Variants in SPAG16 observed in about 807,000 individuals in gnomAD.
SPAG16 encodes sperm-associated antigen 16 protein.
In SPAG16, 86 loss-of-function variants were observed where a neutral mutation model predicts 80.4. The observed-to-expected ratio is 1.07, with a 90% CI of 0.90 to 1.28. SPAG16 has a LOEUF of 1.28. Among genes scored for constraint, SPAG16 ranks in the 50% most tolerant of loss-of-function variants. The pLI, the probability that SPAG16 is intolerant of heterozygous loss-of-function variation, is 0.00. For missense variants in SPAG16, 870 were observed against 765.3 expected (o/e 1.14, Z -1.61); for synonymous variants, 294 against 265.9 (o/e 1.11, Z -1.03).
intron 10 of SPAG16, among the ~76,000 whole-genome samples, chr2:213,595,558 G>A (rs903167398): frequency 1.8e-4 from 27 of 152,022 alleles, no homozygotes; most frequent in African/African-American, 6.3e-4. Flanking sequence ...AGGTAGTTAT[G>A]GAGTTAATAG....
chr2:213,352,616 A>G (rs73988001), intron 7 of SPAG16, among the ~76,000 whole-genome samples: 2,032 of 152,334 alleles, frequency 0.013, 43 homozygotes, highest in African/African-American at 0.045. Context: ...TAAAACACCC[A>G]AGTGAGGATT....
At chr2:213,605,911 C>T (rs1427847277) in intron 10 of SPAG16, among the ~76,000 whole-genome samples, 2 of 152,182 alleles carry the variant, frequency 1.3e-5, no homozygotes, top group Non-Finnish European at 2.9e-5. Flanking sequence ...CAACTTACAT[C>T]AGGATATATA....
chr2:214,175,976 G>A lies in SPAG16; in HGVS notation c.1720+26710G>A, dbSNP rs139813238. 6.4e-4 allele frequency among the ~76,000 whole-genome samples: 97 copies of A among 151,510 alleles called. No individual in the cohort carries two copies. The South Asian group carries it at 7.3e-3, about 11-fold the overall frequency. On this transcript the variant is annotated intron_variant, in intron 15 of 15. Coordinates refer to ENST00000331683, the MANE Select transcript of SPAG16 (RefSeq NM_024532.5). ...AATTAATGTGTTAGCCATTTTATAT[G>A]TTGTGATTTACTTGGAATATCCCAT...
intron 15 of SPAG16, among the ~76,000 whole-genome samples, chr2:214,402,438 T>G (rs1008558172): frequency 3.3e-5 from 5 of 152,008 alleles, no homozygotes; most frequent in Admixed American, 6.6e-5. Flanking sequence ...TTTTCTTAAT[T>G]CTTAAATTAA....
At chr2:213,376,532 AT>A (rs1394116547) in intron 9 of SPAG16, among the ~76,000 whole-genome samples, 1 of 151,962 alleles carries the variant, frequency 6.6e-6, no homozygotes, top group Non-Finnish European at 1.5e-5. Flanking sequence ...CTGAGTAATC[AT>A]TTTTACTAGT....
intron 10 of SPAG16, among the ~76,000 whole-genome samples, chr2:213,579,565 T>A (rs980862876): frequency 1.3e-5 from 2 of 152,150 alleles, no homozygotes; most frequent in Non-Finnish European, 2.9e-5. Flanking sequence ...AGGTTGTAGA[T>A]AGGATCCATT....
intron 13 of SPAG16, among the ~76,000 whole-genome samples, chr2:214,096,480 A>G (rs754594489): frequency 1.4e-4 from 21 of 152,048 alleles, no homozygotes; most frequent in Non-Finnish European, 2.9e-4. Flanking sequence ...GTCTAATGTA[A>G]GGTGATTGGA....
chr2:213,674,140 G>A (rs961498425), intron 10 of SPAG16, among the ~76,000 whole-genome samples: 2 of 151,958 alleles, frequency 1.3e-5, no homozygotes, highest in African/African-American at 4.8e-5. Flanking sequence ...TATGGAGACC[G>A]ACCTGCTGAA....
intron 11 of SPAG16, among the ~76,000 whole-genome samples, chr2:213,902,539 C>A (rs1396351186): frequency 6.6e-6 from 1 of 152,136 alleles, no homozygotes; most frequent in African/African-American, 2.4e-5. Context: ...ATGGGGGAAC[C>A]ACCCCCATGA....
At chr2:213,711,883 C>T (rs1044754801) in intron 10 of SPAG16, among the ~76,000 whole-genome samples, 7 of 152,064 alleles carry the variant, frequency 4.6e-5, no homozygotes, top group African/African-American at 1.7e-4. Context: ...ATTCTAACAT[C>T]AAGCTTAGTA....
Position 214,010,613 on chromosome 2 carries a change from G to C in SPAG16, c.1401-3338G>C, listed in dbSNP as rs1340575510. Reference sequence around the variant, plus strand: ...TCAGACTTTGCAGTACTCTAACAGTGAATTGTTTCTCCACAAACATTTGAG... The same window carrying C: ...TCAGACTTTGCAGTACTCTAACAGTCAATTGTTTCTCCACAAACATTTGAG... On this transcript the variant is annotated intron_variant, in intron 12 of 15. Coordinates refer to ENST00000331683, the MANE Select transcript of SPAG16 (RefSeq NM_024532.5). Among the ~76,000 whole-genome samples the C allele has an allele frequency of 1.4e-5, 2 of 146,740 alleles. 1 individual carries two copies. The highest frequency in any genetic ancestry group is 4.3e-4 in the South Asian group (2 of 4,690).
At chr2:214,119,714 A>C (rs2054117104) in intron 14 of SPAG16, among the ~76,000 whole-genome samples, 1 of 151,754 alleles carries the variant, frequency 6.6e-6, no homozygotes. Context: ...GCCTATAACT[A>C]ATTTCTTTCT....
At chr2:214,059,352 T>C (rs1340788406) in intron 13 of SPAG16, among the ~76,000 whole-genome samples, 1 of 150,474 alleles carries the variant, frequency 6.6e-6, no homozygotes, top group African/African-American at 2.4e-5. Flanking sequence ...TGGATTATTA[T>C]TTGTTTGTTA....
At chr2:214,119,149 G>A (rs552337645) in intron 14 of SPAG16, among the ~76,000 whole-genome samples, 18 of 151,986 alleles carry the variant, frequency 1.2e-4, no homozygotes, top group South Asian at 6.2e-4. Flanking sequence ...CACAGAAACA[G>A]ATAGGCAATA....
intron 9 of SPAG16, among the ~76,000 whole-genome samples, chr2:213,390,875 A>G (rs1204246073): frequency 6.6e-6 from 1 of 152,230 alleles, no homozygotes; most frequent in Non-Finnish European, 1.5e-5. Context: ...CTACCAATAT[A>G]GCTATTAAAA....
intron 10 of SPAG16, among the ~76,000 whole-genome samples, chr2:213,682,803 C>T (rs2064463687): frequency 6.6e-6 from 1 of 152,088 alleles, no homozygotes; most frequent in African/African-American, 2.4e-5. Context: ...TGACATTAGT[C>T]ATTAGGCTAA....
chr2:213,371,402 AAAAAAAAAAAAAAAAAG>A (rs1353927775), intron 8 of SPAG16, among the ~76,000 whole-genome samples: 1 of 133,632 alleles, frequency 7.5e-6, no homozygotes, highest in Non-Finnish European at 1.6e-5. Context: ...GTCTCAAAAA[AAAAAAAAAAAAAAAAAG>A]AAAAGAAAAG....
At chr2:213,291,252 T>G (rs2062262652) in intron 1 of SPAG16, among the ~76,000 whole-genome samples, 1 of 152,216 alleles carries the variant, frequency 6.6e-6, no homozygotes, top group African/African-American at 2.4e-5. Context: ...TGTGTGTATT[T>G]GCAAACTGTA....
chr2:213,546,118 A>G lies in SPAG16; in HGVS notation c.1070+56028A>G, dbSNP rs558689624. ...TATGAATGAGGATGTGAGACCAAGGACTCTCAGGCCTAACTGCTTCTTAAA... is the reference window on the plus strand; with the variant it reads ...TATGAATGAGGATGTGAGACCAAGGGCTCTCAGGCCTAACTGCTTCTTAAA... On this transcript the variant is annotated intron_variant, in intron 10 of 15. Transcript: ENST00000331683. 2.6e-5 allele frequency among the ~76,000 whole-genome samples: 4 copies of G among 151,990 alleles called. No homozygotes were observed. In the South Asian group the frequency reaches 8.3e-4, roughly 32 times the overall value.
Sources: gnomAD v4.1 joint callset for allele counts (sites outside exome capture counted in the v4.1 genomes callset) on GRCh38, gnomAD v4.1.1 for gene constraint, MANE v1.5 for transcripts, NCBI Gene and HGNC (gene_info 2026-07-23, HGNC 2026-07-21) for gene names.